ENOX1: variants seen among roughly 807,000 people sequenced by gnomAD.
The protein encoded by ENOX1 is ecto-NOX disulfide-thiol exchanger 1, also known as candidate growth-related and time keeping constitutive hydroquinone (NADH) oxidase.
ENOX1 carries 42 observed loss-of-function variants against 82.5 expected under a neutral mutation model. That is an observed-to-expected ratio of 0.51 (90% CI 0.40 to 0.66). The LOEUF is 0.66. Ranked by LOEUF, ENOX1 falls within the 30% of genes least tolerant of loss-of-function variation. ENOX1 has a pLI of 0.00. For synonymous variants in ENOX1, 271 were observed against 282.2 expected (o/e 0.96, Z 0.40); for missense variants, 608 against 811.6 (o/e 0.75, Z 3.05).
At chr13:43,431,953 C>A (rs1223061210) in intron 3 of ENOX1, among the ~76,000 whole-genome samples, 2 of 152,156 alleles carry the variant, frequency 1.3e-5, no homozygotes, top group South Asian at 2.1e-4. Flanking sequence ...GGCCTAATCA[C>A]CCCGGAGCCA....
chr13:43,721,370 T>TTA (rs2088562835), intron 1 of ENOX1, among the ~76,000 whole-genome samples: 1 of 135,620 alleles, frequency 7.4e-6, no homozygotes, highest in East Asian at 2.2e-4. Context: ...TTTATATATT[T>TTA]TATATCTTTT....
At chr13:43,476,039 G>C (rs530782195) in intron 3 of ENOX1, among the ~76,000 whole-genome samples, 3 of 151,954 alleles carry the variant, frequency 2.0e-5, no homozygotes, top group Admixed American at 1.3e-4. Flanking sequence ...AATTACAGGA[G>C]GTCTAAGCAT....
At chr13:43,275,676 T>C (rs942740836) in intron 12 of ENOX1, among the ~76,000 whole-genome samples, 1 of 152,234 alleles carries the variant, frequency 6.6e-6, no homozygotes, top group African/African-American at 2.4e-5. Context: ...TAAAACAATC[T>C]GCTAATATTT....
chr13:43,262,596 G>A (rs1438010293), intron 14 of ENOX1, among the ~76,000 whole-genome samples: 2 of 151,400 alleles, frequency 1.3e-5, no homozygotes, highest in Non-Finnish European at 2.9e-5. Context: ...GTGTGATCTC[G>A]GCTCACTGCA....
chr13:43,704,651 C>T (rs945777557), intron 1 of ENOX1, among the ~76,000 whole-genome samples: 4 of 152,040 alleles, frequency 2.6e-5, no homozygotes, highest in African/African-American at 9.7e-5. Flanking sequence ...CGAAGAAATG[C>T]GTAGAAATAA....
At chr13:43,501,953 G>T (rs1566393915) in intron 2 of ENOX1, among the ~76,000 whole-genome samples, 1 of 151,358 alleles carries the variant, frequency 6.6e-6, no homozygotes, top group Non-Finnish European at 1.5e-5. Flanking sequence ...ATATAACAAA[G>T]AGTTGGTTTT....
chr13:43,716,237 G>T (rs1434592782), intron 1 of ENOX1, among the ~76,000 whole-genome samples: 1 of 152,078 alleles, frequency 6.6e-6, no homozygotes, highest in Non-Finnish European at 1.5e-5. Context: ...ATGGGTTTTT[G>T]GTGTGGATGT....
intron 3 of ENOX1, among the ~76,000 whole-genome samples, chr13:43,429,175 A>G (rs572080366): frequency 2.7e-4 from 41 of 152,202 alleles, no homozygotes; most frequent in Non-Finnish European, 7.3e-5. Flanking sequence ...GATGCTTTCA[A>G]GCCTCATCTC....
intron 3 of ENOX1, among the ~76,000 whole-genome samples, chr13:43,427,241 G>A (rs779562688): frequency 2.6e-5 from 4 of 152,130 alleles, no homozygotes; most frequent in African/African-American, 9.7e-5. Flanking sequence ...AGATGGAACC[G>A]CTGGGAAAAT....
chr13:43,506,859 A>C (rs1448890855), intron 2 of ENOX1, among the ~76,000 whole-genome samples: 1 of 151,324 alleles, frequency 6.6e-6, no homozygotes, highest in Non-Finnish European at 1.5e-5. Context: ...CGGGGGAGGG[A>C]TAGCATTAGG....
intron 5 of ENOX1, among the ~76,000 whole-genome samples, chr13:43,376,865 A>G (rs548488328): frequency 1.7e-4 from 26 of 152,192 alleles, no homozygotes; most frequent in African/African-American, 5.5e-4. Flanking sequence ...ACCTCTTCCA[A>G]TTGAAATCCG....
chr13:43,563,063 G>A (rs2079753926), intron 2 of ENOX1, among the ~76,000 whole-genome samples: 2 of 152,018 alleles, frequency 1.3e-5, no homozygotes, highest in African/African-American at 2.4e-5. Context: ...AGAACGTTTT[G>A]TCCAATGGCT....
rs1400398394 is a variant in ENOX1 at position 43,213,786 on chromosome 13, G to C, written c.*204C>G. 1 of 410,420 alleles carries C rather than the reference G, an allele frequency of 2.4e-6. No individual in the cohort carries two copies. Among genetic ancestry groups the C allele is most frequent in the African/African-American group, 2.0e-5 (1 of 48,932 alleles). The allele number at this position is 410,420 out of a possible 1,614,324, so 25.4% of individuals were successfully genotyped here. A position where few individuals can be genotyped will look rare whatever the true frequency, so the allele number is the denominator to read the frequency against. ...TTTCATAGGAAACAGATCTGTCACA[G>C]TATGAAGCTTTGTTTATTTTAAGAA... On this transcript the variant is annotated 3_prime_UTR_variant, in exon 17 of 17. Transcript: ENST00000690772.
intron 2 of ENOX1, among the ~76,000 whole-genome samples, chr13:43,625,864 T>G (rs1405486473): frequency 6.6e-6 from 1 of 151,960 alleles, no homozygotes; most frequent in Non-Finnish European, 1.5e-5. Context: ...TAAAATAAAT[T>G]GGAAAGCGTT....
At chr13:43,484,191 A>C in intron 2 of ENOX1, 39 bp from the exon 3 acceptor site, 1 of 976,598 alleles carries the variant, frequency 1.0e-6, no homozygotes, top group South Asian at 4.8e-5. Context: ...GATATGTCTA[A>C]AGTACCATTA....
chr13:43,254,781 C>T (rs969080991), intron 14 of ENOX1, among the ~76,000 whole-genome samples: 3 of 152,084 alleles, frequency 2.0e-5, no homozygotes, highest in Non-Finnish European at 4.4e-5. Context: ...AATCGGAACA[C>T]CTAGAAGAAA....
At chr13:43,230,937 C>T (rs1473599943) in intron 15 of ENOX1, among the ~76,000 whole-genome samples, 2 of 152,224 alleles carry the variant, frequency 1.3e-5, no homozygotes, top group Admixed American at 6.5e-5. Context: ...ATACTCCCCA[C>T]TACCCCCAGG....
intron 1 of ENOX1, among the ~76,000 whole-genome samples, chr13:43,738,975 T>C (rs1321331042): frequency 1.3e-5 from 2 of 152,180 alleles, no homozygotes; most frequent in Non-Finnish European, 2.9e-5. Flanking sequence ...TTATGGACAG[T>C]GCCCATCCTT....
intron 1 of ENOX1, among the ~76,000 whole-genome samples, chr13:43,771,248 G>A (rs1951580159): frequency 6.6e-6 from 1 of 152,110 alleles, no homozygotes; most frequent in African/African-American, 2.4e-5. Context: ...AGGAACCTTT[G>A]AGGCCACGTA....
Sources: allele counts gnomAD v4.1 joint callset (sites outside exome capture counted in the v4.1 genomes callset), GRCh38; gene constraint gnomAD v4.1.1; transcripts MANE v1.5; gene names NCBI Gene and HGNC (gene_info 2026-07-23, HGNC 2026-07-21).